The following PALD1 variants were observed in gnomAD, a reference collection of about 807,000 sequenced individuals.
PALD1 encodes the protein phosphatase domain containing paladin 1.
A neutral mutation model predicts 96.0 loss-of-function variants in PALD1; 57 were observed. The observed-to-expected ratio is 0.59, with a 90% confidence interval of 0.48 to 0.74. The LOEUF is 0.74. PALD1 is among the 30% of genes least tolerant of loss of function. The pLI is 0.00. For missense variants in PALD1, 1,063 were observed against 1,143.7 expected, an observed-to-expected ratio of 0.93 and a Z score of 1.02; for synonymous variants, 464 against 473.6, an observed-to-expected ratio of 0.98 and a Z score of 0.26.
intron 18 of PALD1, 120 bp downstream of exon 18, chr10:70,547,566 C>T (rs1412704705): frequency 1.5e-5 from 10 of 650,252 alleles, no homozygotes; most frequent in Admixed American, 3.0e-5. Context: ...CTCCTTGGCT[C>T]GTGGTCACTT....
intron 3 of PALD1, 45 bp from the exon 4 acceptor site, chr10:70,529,844 C>A: frequency 6.3e-7 from 1 of 1,577,082 alleles, no homozygotes; most frequent in Non-Finnish European, 8.7e-7. Flanking sequence ...GCAGAAAATA[C>A]CCCTGAGCCA....
chr10:70,520,995 T>G (rs1846722763), intron 1 of PALD1, among the ~76,000 whole-genome samples: 1 of 152,168 alleles, frequency 6.6e-6, no homozygotes, highest in Non-Finnish European at 1.5e-5. Flanking sequence ...CCCGGCCAGT[T>G]TCTTTTCTGA....
chr10:70,532,139 C>T (rs1847006489), intron 5 of PALD1, among the ~76,000 whole-genome samples: 1 of 152,098 alleles, frequency 6.6e-6, no homozygotes, highest in Non-Finnish European at 1.5e-5. Flanking sequence ...ATCCTCTGTC[C>T]TCCTCCTCCT....
At chr10:70,467,700 T>G in the PALD1 span, among the ~76,000 whole-genome samples, 1 of 152,034 alleles carries the variant, frequency 6.6e-6, no homozygotes, top group Non-Finnish European at 1.5e-5. Context: ...ATTTGTAAAA[T>G]GAGGATAGCA....
chr10:70,533,353 TTCTGTGTGTGTATGTG>T (rs1402761130), intron 7 of PALD1, among the ~76,000 whole-genome samples: 80 of 151,968 alleles, frequency 5.3e-4, no homozygotes, highest in South Asian at 4.2e-4. Context: ...ATACATGTGT[TTCTGTGTGTGTATGTG>T]TCTGTGTGTG....
At chr10:70,488,670 G>A (rs1846049880) in intron 1 of PALD1, among the ~76,000 whole-genome samples, 1 of 152,170 alleles carries the variant, frequency 6.6e-6, no homozygotes, top group Non-Finnish European at 1.5e-5. Flanking sequence ...ATCATGCAGA[G>A]GGACCCCACC....
At position 70,547,457 on chromosome 10, in the gene PALD1, ACCCC is replaced by A; in HGVS notation, c.2262+12_2262+15del. ...TGCACCTACCGCCAGGTGAGCCCCC[ACCCC>A]ACCCCACCCCACCCTGCCCCAGCCA... is the stretch of plus-strand genomic sequence containing the variant. On this transcript the variant is annotated intron_variant, in intron 18 of 19. Transcript: ENST00000263563. 11 of 1,016,442 alleles carry A rather than the reference ACCCC, an allele frequency of 1.1e-5. No homozygotes were observed. Among genetic ancestry groups the A allele is most frequent in the South Asian group, 1.5e-5 (1 of 68,464 alleles). The allele number at this position is 1,016,442 out of a possible 1,614,324, so 63.0% of individuals were successfully genotyped here. A position where few individuals can be genotyped will look rare whatever the true frequency, so the allele number is the denominator to read the frequency against.
chr10:70,553,474 T>C (rs1048847316), intron 18 of PALD1, among the ~76,000 whole-genome samples: 1 of 152,160 alleles, frequency 6.6e-6, no homozygotes, highest in African/African-American at 2.4e-5. Flanking sequence ...AGGGAGTCAC[T>C]AGAGACCCAG....
At chr10:70,514,307 C>T (rs1465879823) in intron 1 of PALD1, among the ~76,000 whole-genome samples, 12 of 152,216 alleles carry the variant, frequency 7.9e-5, no homozygotes, top group South Asian at 2.1e-4. Context: ...GTGGCAGCCC[C>T]GCCTGCAGAG....
chr10:70,555,904 G>C (rs1384535878), intron 18 of PALD1, among the ~76,000 whole-genome samples: 1 of 152,312 alleles, frequency 6.6e-6, no homozygotes, highest in East Asian at 1.9e-4. Context: ...GGGAGGCTGA[G>C]GCAGGAGAAT....
At chr10:70,535,653 TTCCTTCTCCTCC>T (rs1399677000) in intron 10 of PALD1, among the ~76,000 whole-genome samples, 1 of 141,474 alleles carries the variant, frequency 7.1e-6, no homozygotes, top group African/African-American at 2.6e-5. Context: ...CCCTCCTCCC[TTCCTTCTCCTCC>T]TCCTTCTCCT....
rs1261705024 is a variant in PALD1 at position 70,541,097 on chromosome 10, T to G, written c.1909-5T>G. 1 of 1,594,704 alleles carries G rather than the reference T, an allele frequency of 6.3e-7. No individual in the cohort carries two copies. Among genetic ancestry groups the G allele is most frequent in the Non-Finnish European group, 8.5e-7 (1 of 1,172,776 alleles). On this transcript the variant is annotated splice_region_variant and splice_polypyrimidine_tract_variant and intron_variant, in intron 15 of 19. Transcript: ENST00000263563. ...GCTGACCCAGACCTTGCTTTTCTCG[T>G]CCAGGACTTTGACCAGCTGCTGGAG...
chr10:70,484,177 A>G (rs56023906), intron 1 of PALD1, among the ~76,000 whole-genome samples: 4,186 of 151,920 alleles, frequency 0.028, 71 homozygotes, highest in Non-Finnish European at 0.041. Context: ...TAATTTTTGT[A>G]TTTTTAATAG....
intron 18 of PALD1, among the ~76,000 whole-genome samples, chr10:70,563,981 G>T (rs1359505963): frequency 6.6e-6 from 1 of 152,184 alleles, no homozygotes; most frequent in Non-Finnish European, 1.5e-5. Context: ...GGAAGTGGCA[G>T]TAAGGGTCCT....
At chr10:70,514,121 C>T (rs937589679) in intron 1 of PALD1, among the ~76,000 whole-genome samples, 6 of 152,218 alleles carry the variant, frequency 3.9e-5, no homozygotes, top group African/African-American at 9.7e-5. Flanking sequence ...AGTGCCTCTG[C>T]GGGCCGTCCG....
intron 18 of PALD1, among the ~76,000 whole-genome samples, chr10:70,562,603 C>T (rs186128958): frequency 3.9e-5 from 6 of 152,304 alleles, no homozygotes; most frequent in Admixed American, 2.6e-4. Context: ...TGTGCCCTCG[C>T]ACAGATGTTC....
chr10:70,520,685 CTTT>C (rs10545684), intron 1 of PALD1, among the ~76,000 whole-genome samples: 56 of 87,674 alleles, frequency 6.4e-4, no homozygotes, highest in South Asian at 2.7e-3. Flanking sequence ...TTCTTTCTTT[CTTT>C]TTTTTTTTTT....
chr10:70,507,167 C>T (rs924920711), intron 1 of PALD1, among the ~76,000 whole-genome samples: 3 of 151,110 alleles, frequency 2.0e-5, no homozygotes, highest in South Asian at 2.1e-4. Context: ...TTTGGGAGGT[C>T]GAGGTAGATG....
intron 18 of PALD1, among the ~76,000 whole-genome samples, chr10:70,558,249 A>G (rs560413095): frequency 1.3e-5 from 2 of 152,008 alleles, no homozygotes; most frequent in Non-Finnish European, 2.9e-5. Flanking sequence ...CTCGGTGGAC[A>G]GGAGGCCTGG....
Sources: allele counts gnomAD v4.1 joint callset (sites outside exome capture counted in the v4.1 genomes callset), GRCh38; gene constraint gnomAD v4.1.1; transcripts MANE v1.5; gene names NCBI Gene and HGNC (gene_info 2026-07-23, HGNC 2026-07-21).